The following SRP54 variants were observed in gnomAD, a reference collection of about 807,000 sequenced individuals.
The protein encoded by SRP54 is signal recognition particle 54.
A neutral mutation model predicts 64.8 loss-of-function variants in SRP54; 10 were observed. That is an observed-to-expected ratio of 0.15 (90% CI 0.10 to 0.26). The LOEUF (loss-of-function observed/expected upper bound fraction) is 0.26. Ranked by LOEUF, SRP54 falls within the 10% of genes least tolerant of loss-of-function variation. SRP54 has a pLI of 1.00. For missense variants in SRP54, 325 were observed against 613.7 expected, an observed-to-expected ratio of 0.53 and a Z score of 4.97; for synonymous variants, 193 against 185.6, an observed-to-expected ratio of 1.04 and a Z score of -0.32.
chr14:34,994,016 C>G (rs952763394), intron 1 of SRP54, among the ~76,000 whole-genome samples: 1 of 141,350 alleles, frequency 7.1e-6, no homozygotes, highest in Admixed American at 7.2e-5. Context: ...TTTTTTAATA[C>G]GGACTTTCTC....
chr14:35,003,076 G>A (rs377686619), intron 4 of SRP54, among the ~76,000 whole-genome samples: 1 of 152,212 alleles, frequency 6.6e-6, no homozygotes, highest in South Asian at 2.1e-4. Flanking sequence ...GCTCGTAACT[G>A]TAGGCAATTC....
At chr14:35,014,551 A>G (rs1317870801) in intron 10 of SRP54, among the ~76,000 whole-genome samples, 193 bp from the exon 11 acceptor site, 1 of 152,076 alleles carries the variant, frequency 6.6e-6, no homozygotes, top group Non-Finnish European at 1.5e-5. Flanking sequence ...AAGTGCTGGG[A>G]TTACAGGCAT....
intron 11 of SRP54, chr14:35,018,490 A>T (rs184248927): frequency 2.5e-5 from 13 of 510,330 alleles, no homozygotes; most frequent in Admixed American, 1.1e-4. Flanking sequence ...AAGCTTCTCT[A>T]TGATAGGACC....
At chr14:34,984,261 A>G (rs1352723152) in intron 1 of SRP54, among the ~76,000 whole-genome samples, 3 of 152,206 alleles carry the variant, frequency 2.0e-5, no homozygotes, top group East Asian at 3.8e-4. Flanking sequence ...TAAGATAACC[A>G]TAAATGTAGC....
chr14:35,028,107 T>C lies in SRP54; in HGVS notation c.1347T>C (p.Asn449=). 6.2e-7 allele frequency: 1 copy of C among 1,612,854 alleles called. No individual in the cohort carries two copies. The highest frequency in any genetic ancestry group is 1.1e-5 in the South Asian group (1 of 90,946). Reference sequence around the variant, plus strand: ...CCTCAGGTGGCGACATGTCTAAGAATGTGAGCCAGTCACAGATGGCAAAAT... The same window carrying C: ...CCTCAGGTGGCGACATGTCTAAGAACGTGAGCCAGTCACAGATGGCAAAAT... ...GLFKGGDMSK[N]VSQSQMAKLN... The change falls in exon 15 of 16, where the codon AAT becomes AAC. Residue 449 remains asparagine, a synonymous_variant. Coordinates refer to ENST00000216774, the MANE Select transcript of SRP54 (RefSeq NM_003136.4).
intron 1 of SRP54, among the ~76,000 whole-genome samples, chr14:34,989,268 G>A (rs1168093287): frequency 6.6e-6 from 1 of 152,156 alleles, no homozygotes; most frequent in Non-Finnish European, 1.5e-5. Context: ...CACTTTGGGA[G>A]GCCACGGTGG....
At chr14:35,020,163 C>T (rs799455) in intron 13 of SRP54, among the ~76,000 whole-genome samples, 34,219 of 151,626 alleles carry the variant, frequency 0.23, 4,651 homozygotes, top group Non-Finnish European at 0.31. Flanking sequence ...CCAGCCTGGG[C>T]GACAGAGTGA....
At chr14:34,997,469 G>T (rs2044088891) in intron 2 of SRP54, among the ~76,000 whole-genome samples, 1 of 152,150 alleles carries the variant, frequency 6.6e-6, no homozygotes. Context: ...GAAGACATTG[G>T]TTAGTCCCAC....
chr14:34,996,751 A>C lies in SRP54; in HGVS notation c.42A>C (p.Leu14Phe). ...ADLGRKITSALRSLSNATIIN... is the reference protein window; with the variant it reads ...ADLGRKITSAFRSLSNATIIN... ...TTGGAAGAAAAATAACATCAGCATTACGCTCGTTGAGCAATGCCACCATTA... is the reference window on the plus strand; with the variant it reads ...TTGGAAGAAAAATAACATCAGCATTCCGCTCGTTGAGCAATGCCACCATTA... Residue 14 changes from leucine (L) to phenylalanine (F), a missense_variant, in exon 2 of 16, where the codon TTA (leucine) becomes TTC (phenylalanine). Around this residue, in one of 3 missense-constraint regions of SRP54, gnomAD observed 156 missense variants for 254.6 expected, o/e 0.61. Transcript: ENST00000216774. 1 of 1,613,518 alleles carries C rather than the reference A, an allele frequency of 6.2e-7. No homozygotes were observed. The highest frequency in any genetic ancestry group is 2.2e-5 in the East Asian group (1 of 44,798).
At chr14:34,998,965 TTGTGTGTATGTG>T (rs1223641871) in intron 2 of SRP54, among the ~76,000 whole-genome samples, 10 of 121,870 alleles carry the variant, frequency 8.2e-5, no homozygotes, top group Non-Finnish European at 1.5e-4. Flanking sequence ...TATTATTACT[TTGTGTGTATGTG>T]TGTGTGTGTG....
chr14:34,994,845 G>A (rs966973212), intron 1 of SRP54, among the ~76,000 whole-genome samples: 3 of 151,360 alleles, frequency 2.0e-5, no homozygotes, highest in Non-Finnish European at 4.4e-5. Context: ...GTGCAGTGGT[G>A]TGATCATGAC....
chr14:34,999,516 A>G (rs1178486579), intron 2 of SRP54, 42 bp from the exon 3 acceptor site: 2 of 1,458,220 alleles, frequency 1.4e-6, no homozygotes, highest in Non-Finnish European at 1.9e-6. Flanking sequence ...ACTGAAATGA[A>G]ACATTGGGTG....
chr14:34,995,329 C>A (rs1251779969), intron 1 of SRP54, among the ~76,000 whole-genome samples: 1 of 95,982 alleles, frequency 1.0e-5, no homozygotes, highest in African/African-American at 4.0e-5. Flanking sequence ...GGTGTAGATC[C>A]AGTCTGAATC....
intron 1 of SRP54, among the ~76,000 whole-genome samples, chr14:34,994,017 G>A (rs575047895): frequency 6.7e-6 from 1 of 149,660 alleles, no homozygotes; most frequent in Admixed American, 6.7e-5. Context: ...TTTTTAATAC[G>A]GACTTTCTCT....
At chr14:35,015,544 C>A (rs868733627) in intron 11 of SRP54, among the ~76,000 whole-genome samples, 2 of 152,312 alleles carry the variant, frequency 1.3e-5, no homozygotes, top group Middle Eastern at 3.4e-3. Flanking sequence ...TATCTCTGAT[C>A]TATTTTTTAG....
At chr14:35,015,324 C>T (rs549261197) in intron 11 of SRP54, among the ~76,000 whole-genome samples, 1 of 152,190 alleles carries the variant, frequency 6.6e-6, no homozygotes, top group South Asian at 2.1e-4. Flanking sequence ...GATCCACCCA[C>T]CTCAGCCTCC....
intron 3 of SRP54, 119 bp downstream of exon 3, chr14:34,999,768 G>T (rs1193323714): frequency 4.4e-6 from 3 of 686,076 alleles, no homozygotes; most frequent in East Asian, 2.6e-5. Flanking sequence ...CACTGGAAAA[G>T]TGCTGTGTTG....
chr14:35,026,447 T>C (rs1478207149), intron 14 of SRP54, among the ~76,000 whole-genome samples: 1 of 152,030 alleles, frequency 6.6e-6, no homozygotes, highest in Non-Finnish European at 1.5e-5. Flanking sequence ...TTGCCCAGGC[T>C]GATCTTGAAC....
intron 1 of SRP54, among the ~76,000 whole-genome samples, chr14:34,985,546 A>C (rs2043881940): frequency 6.6e-6 from 1 of 152,198 alleles, no homozygotes; most frequent in African/African-American, 2.4e-5. Flanking sequence ...AACTAGCCTT[A>C]TGGAGTATGG....
Sources: gnomAD v4.1 joint callset for allele counts (sites outside exome capture counted in the v4.1 genomes callset) on GRCh38, gnomAD v4.1.1 for gene constraint, gnomAD v4.1.1 regional missense constraint, MANE v1.5 for transcripts, NCBI Gene and HGNC (gene_info 2026-07-23, HGNC 2026-07-21) for gene names.